Variants in COL13A1 observed in about 807,000 individuals in gnomAD.
COL13A1 encodes collagen alpha-1(XIII) chain.
Under a neutral mutation model 130.9 loss-of-function variants are expected in COL13A1, and 89 were observed. That is an observed-to-expected ratio of 0.68 (90% confidence interval 0.57 to 0.81). COL13A1 has a LOEUF of 0.81. Ranked by LOEUF, COL13A1 falls within the 30% of genes least tolerant of loss-of-function variation. The probability of loss-of-function intolerance (pLI) is 0.00; values close to 1 mark genes in which losing one functional copy is unlikely to be tolerated. For synonymous variants in COL13A1, 402 were observed against 341.6 expected, an observed-to-expected ratio of 1.18 and a Z score of -1.95; for missense variants, 879 against 934.6, an observed-to-expected ratio of 0.94 and a Z score of 0.78.
chr10:69,921,992 G>A, intron 22 of COL13A1, 57 bp downstream of exon 22: 2 of 1,545,358 alleles, frequency 1.3e-6, no homozygotes, highest in Non-Finnish European at 1.7e-6. Flanking sequence ...TCCCATACCT[G>A]GCCCTGCACA....
chr10:69,847,415 G>A (rs1853456006), intron 2 of COL13A1, among the ~76,000 whole-genome samples: 2 of 152,158 alleles, frequency 1.3e-5, no homozygotes, highest in African/African-American at 4.8e-5. Flanking sequence ...TATTAAATGA[G>A]GTCACCCTGT....
chr10:69,897,923 A>C (rs2061814859), intron 13 of COL13A1, among the ~76,000 whole-genome samples: 1 of 152,202 alleles, frequency 6.6e-6, no homozygotes, highest in Admixed American at 6.5e-5. Context: ...AGAAATGAAA[A>C]TCACATTAGA....
At chr10:69,834,732 G>C (rs183415410) in intron 2 of COL13A1, among the ~76,000 whole-genome samples, 14 of 152,282 alleles carry the variant, frequency 9.2e-5, no homozygotes, top group African/African-American at 2.9e-4. Flanking sequence ...AGAGCAGAAG[G>C]GGGGTAGGTT....
intron 23 of COL13A1, among the ~76,000 whole-genome samples, 151 bp downstream of exon 23, chr10:69,922,945 G>T (rs931730080): frequency 2.0e-5 from 3 of 152,188 alleles, no homozygotes; most frequent in African/African-American, 7.2e-5. Flanking sequence ...TTCCAAAAAG[G>T]CCATTTGGAC....
intron 2 of COL13A1, among the ~76,000 whole-genome samples, chr10:69,851,626 C>T (rs1003888046): frequency 1.3e-5 from 2 of 151,782 alleles, no homozygotes; most frequent in African/African-American, 2.4e-5. Context: ...TATTTTATTT[C>T]CATTTTATTG....
intron 27 of COL13A1, among the ~76,000 whole-genome samples, chr10:69,928,622 T>G (rs1249430172): frequency 6.6e-6 from 1 of 152,138 alleles, no homozygotes; most frequent in Non-Finnish European, 1.5e-5. Context: ...TATTTTTAAG[T>G]CATTATTGGG....
chr10:69,902,614 C>A, intron 14 of COL13A1, 134 bp from the exon 15 acceptor site: 1 of 636,320 alleles, frequency 1.6e-6, no homozygotes, highest in African/African-American at 1.9e-5. Context: ...ATCATGCCAC[C>A]GCTTCCTCCC....
At chr10:69,861,293 T>A (rs1857997644) in intron 2 of COL13A1, among the ~76,000 whole-genome samples, 1 of 152,132 alleles carries the variant, frequency 6.6e-6, no homozygotes, top group African/African-American at 2.4e-5. Flanking sequence ...AGGTGGCCAC[T>A]CAGGTTGCTG....
intron 18 of COL13A1, 138 bp downstream of exon 18, chr10:69,917,471 C>A: frequency 1.3e-6 from 1 of 769,976 alleles, no homozygotes; most frequent in Non-Finnish European, 2.1e-6. Flanking sequence ...CTCCCAGCTG[C>A]AGCATTGTGG....
At chr10:69,845,916 G>A (rs1475824853) in intron 2 of COL13A1, among the ~76,000 whole-genome samples, 2 of 152,200 alleles carry the variant, frequency 1.3e-5, no homozygotes, top group Non-Finnish European at 2.9e-5. Context: ...TCACTGTAGC[G>A]TATCTTTTTG....
intron 1 of COL13A1, among the ~76,000 whole-genome samples, chr10:69,804,955 G>A (rs1841130315): frequency 6.6e-6 from 1 of 152,058 alleles, no homozygotes; most frequent in African/African-American, 2.4e-5. Flanking sequence ...CAAATGAAGA[G>A]CTGAAGGATG....
At chr10:69,950,571 C>A (rs2069369218) in intron 38 of COL13A1, among the ~76,000 whole-genome samples, 1 of 152,184 alleles carries the variant, frequency 6.6e-6, no homozygotes, top group South Asian at 2.1e-4. Context: ...AGAGAGTTTA[C>A]CAGGGGGCTT....
chr10:69,917,182 C>T (rs1223538685), intron 17 of COL13A1, 107 bp from the exon 18 acceptor site: 14 of 1,398,448 alleles, frequency 1.0e-5, no homozygotes, highest in South Asian at 1.3e-5. Flanking sequence ...CAACATGAAC[C>T]GGACAGCCAT....
intron 2 of COL13A1, among the ~76,000 whole-genome samples, chr10:69,863,341 A>G (rs945171789): frequency 2.0e-5 from 3 of 152,016 alleles, no homozygotes; most frequent in African/African-American, 7.2e-5. Flanking sequence ...AACCAATATC[A>G]TTAGTCACCC....
chr10:69,907,005 A>G (rs1306154035), intron 17 of COL13A1, among the ~76,000 whole-genome samples: 1 of 152,170 alleles, frequency 6.6e-6, no homozygotes, highest in Non-Finnish European at 1.5e-5. Flanking sequence ...CTGGGATTAC[A>G]GGCGTGAGCC....
intron 17 of COL13A1, among the ~76,000 whole-genome samples, chr10:69,913,683 A>G (rs1320082892): frequency 2.0e-5 from 3 of 152,054 alleles, no homozygotes; most frequent in African/African-American, 7.2e-5. Context: ...TCACCTCCCC[A>G]TCATCCAGGA....
rs1200606079 is a variant in COL13A1 at position 69,958,679 on chromosome 10, G to T, written c.2185-20G>T. 6.2e-7 allele frequency: 1 copy of T among 1,613,844 alleles called. No homozygotes were observed. The highest frequency in any genetic ancestry group is 1.1e-5 in the South Asian group (1 of 91,058). On this transcript the variant is annotated intron_variant, in intron 40 of 40. Coordinates refer to ENST00000645393, the MANE Select transcript of COL13A1 (RefSeq NM_001368882.1). Reference sequence around the variant, plus strand: ...GACCCACTGAAACTAACAGAACATTGTTTTGTTTTTGTTTTGCAGTGATGC... The same window carrying T: ...GACCCACTGAAACTAACAGAACATTTTTTTGTTTTTGTTTTGCAGTGATGC...
At chr10:69,893,795 C>T (rs574600978) in intron 10 of COL13A1, among the ~76,000 whole-genome samples, 9 of 152,334 alleles carry the variant, frequency 5.9e-5, no homozygotes, top group Middle Eastern at 3.4e-3. Flanking sequence ...GGAGTGGACA[C>T]AAGCATCTCC....
At chr10:69,805,278 G>A (rs1183685928) in intron 1 of COL13A1, among the ~76,000 whole-genome samples, 2 of 152,202 alleles carry the variant, frequency 1.3e-5, no homozygotes, top group Non-Finnish European at 2.9e-5. Context: ...AAAAACAGAA[G>A]GCTGCTGCAG....
Sources: gnomAD v4.1 joint callset for allele counts (sites outside exome capture counted in the v4.1 genomes callset) on GRCh38, gnomAD v4.1.1 for gene constraint, MANE v1.5 for transcripts, NCBI Gene and HGNC (gene_info 2026-07-23, HGNC 2026-07-21) for gene names.